The following USP33 variants were observed in gnomAD, a reference collection of about 807,000 sequenced individuals.
USP33 encodes ubiquitin specific peptidase 33, also known as ubiquitin carboxyl-terminal hydrolase 33.
Under a neutral mutation model 124.2 loss-of-function variants are expected in USP33, and 46 were observed. That is an observed-to-expected ratio of 0.37 (90% CI 0.29 to 0.47). The LOEUF is 0.47. Ranked by LOEUF, USP33 falls within the 20% of genes least tolerant of loss-of-function variation. The pLI is 0.99. For synonymous variants in USP33, 350 were observed against 352.3 expected (o/e 0.99, Z 0.07); for missense variants, 851 against 1,070.6 (o/e 0.79, Z 2.86).
chr1:77,701,567 C>A, intron 21 of USP33, 96 bp from the exon 22 acceptor site: 1 of 995,750 alleles, frequency 1.0e-6, no homozygotes, highest in Non-Finnish European at 1.5e-6. Flanking sequence ...TAACTCAGCA[C>A]TTTGGGAGGC....
intron 1 of USP33, among the ~76,000 whole-genome samples, chr1:77,749,944 T>C (rs963574922): frequency 2.6e-5 from 4 of 152,324 alleles, no homozygotes; most frequent in South Asian, 4.1e-4. Flanking sequence ...TCTCTGCTGA[T>C]AGCTGAGATG....
At chr1:77,723,235 CAA>C in intron 12 of USP33, 94 bp downstream of exon 12, 1 of 908,158 alleles carries the variant, frequency 1.1e-6, no homozygotes, top group Non-Finnish European at 1.7e-6. Flanking sequence ...TCATCAATAG[CAA>C]AGAGAAGGAA....
intron 14 of USP33, chr1:77,721,457 A>T (rs572719700): frequency 1.8e-6 from 1 of 562,178 alleles, no homozygotes; most frequent in African/African-American, 1.9e-5. Flanking sequence ...ACTGCCTGTC[A>T]TATGTCCAAG....
At chr1:77,717,490 C>CA (rs575507467) in intron 17 of USP33, 34,459 of 107,560 alleles carry the variant, frequency 0.32, 4,355 homozygotes, top group Middle Eastern at 0.46. Context: ...ACTCTGTCTC[C>CA]AAAAAAAAAA....
chr1:77,728,568 G>GA lies in USP33; in HGVS notation c.861dup (p.Gln288SerfsTer4). The GA allele has an allele frequency of 6.2e-7, 1 of 1,614,098 alleles. No homozygotes were observed. Among genetic ancestry groups the GA allele is most frequent in the Non-Finnish European group, 8.5e-7 (1 of 1,180,018 alleles). ...CTGTTGCTACAAGATTCACAAGACT[G>GA]AAAATCTACATCCGACTGGCTCTTG... On this transcript the variant is annotated frameshift_variant, in exon 10 of 24. Coordinates refer to ENST00000370794, the MANE Select transcript of USP33 (RefSeq NM_201624.3). LOFTEE classifies it high-confidence loss of function.
intron 1 of USP33, among the ~76,000 whole-genome samples, chr1:77,746,856 A>G (rs1395975860): frequency 2.6e-5 from 4 of 152,186 alleles, no homozygotes; most frequent in African/African-American, 7.2e-5. Flanking sequence ...CTCTCAATAA[A>G]CTAGGTATTG....
At chr1:77,714,011 T>C (rs567831454) in intron 19 of USP33, among the ~76,000 whole-genome samples, 190 of 152,332 alleles carry the variant, frequency 1.2e-3, no homozygotes, top group African/African-American at 4.4e-3. Context: ...ACCATGAATA[T>C]CCCATCTTCA....
intron 17 of USP33, among the ~76,000 whole-genome samples, chr1:77,716,867 T>TC (rs1377314037): frequency 6.7e-6 from 1 of 149,934 alleles, no homozygotes; most frequent in African/African-American, 2.4e-5. Context: ...TTCTTTTTTT[T>TC]CTTTTTTTTT....
chr1:77,739,160 G>T, intron 5 of USP33, 105 bp downstream of exon 5: 1 of 1,339,688 alleles, frequency 7.5e-7, no homozygotes, highest in Non-Finnish European at 1.0e-6. Flanking sequence ...AATTTTCAAA[G>T]TACAGGTTAG....
intron 20 of USP33, among the ~76,000 whole-genome samples, chr1:77,712,774 C>G (rs542805641): frequency 4.6e-5 from 7 of 152,082 alleles, no homozygotes; most frequent in African/African-American, 1.7e-4. Flanking sequence ...GAGAGGACCA[C>G]TGGAGCCTAG....
intron 1 of USP33, among the ~76,000 whole-genome samples, chr1:77,756,987 CTTCT>C (rs1254077066): frequency 6.6e-6 from 1 of 152,194 alleles, no homozygotes; most frequent in African/African-American, 2.4e-5. Context: ...CATAATTTGT[CTTCT>C]TTATCTATTA....
intron 7 of USP33, 94 bp downstream of exon 7, chr1:77,734,253 T>C (rs761414140): frequency 2.6e-5 from 24 of 927,986 alleles, no homozygotes; most frequent in Non-Finnish European, 3.6e-5. Flanking sequence ...CTGTTCTACC[T>C]TGAGTTAGTC....
At chr1:77,753,234 T>G (rs909744188) in intron 1 of USP33, among the ~76,000 whole-genome samples, 2 of 152,126 alleles carry the variant, frequency 1.3e-5, no homozygotes, top group Non-Finnish European at 2.9e-5. Context: ...CTTGAAGAAG[T>G]AGCAATTCCT....
At chr1:77,748,986 T>C (rs1247891297) in intron 1 of USP33, among the ~76,000 whole-genome samples, 1 of 152,210 alleles carries the variant, frequency 6.6e-6, no homozygotes, top group Non-Finnish European at 1.5e-5. Context: ...CAATCTTCCA[T>C]CATTTTTTCA....
At chr1:77,738,808 A>G (rs1170693698) in intron 5 of USP33, among the ~76,000 whole-genome samples, 3 of 152,144 alleles carry the variant, frequency 2.0e-5, no homozygotes, top group Non-Finnish European at 4.4e-5. Context: ...TAACCCAAAG[A>G]CTGATGCTAA....
At position 77,748,785 on chromosome 1, in the gene USP33, C is replaced by A. The variant is rs56406553; in HGVS notation, c.-51-7037G>T. 9.9e-5 allele frequency among the ~76,000 whole-genome samples: 11 copies of A among 110,970 alleles called. 1 individual carries two copies. The highest frequency in any genetic ancestry group is 1.9e-4 in the Non-Finnish European group (10 of 52,618). The allele number at this position is 110,970 out of a possible 152,430, so 72.8% of individuals were successfully genotyped here. A position where few individuals can be genotyped will look rare whatever the true frequency, so the allele number is the denominator to read the frequency against. On this transcript the variant is annotated intron_variant, in intron 1 of 23. Transcript: ENST00000370794. Reference sequence around the variant, plus strand: ...TTTGGCAGCATTCCTTCCCTCCCCCCCCCCCCCGTGCTTGAATCAGGATTG... The same window carrying A: ...TTTGGCAGCATTCCTTCCCTCCCCCACCCCCCCGTGCTTGAATCAGGATTG...
chr1:77,755,506 G>A (rs182722046), intron 1 of USP33, among the ~76,000 whole-genome samples: 72 of 152,214 alleles, frequency 4.7e-4, no homozygotes, highest in African/African-American at 1.7e-3. Context: ...GACCAGCCTG[G>A]CCAACATGGT....
chr1:77,717,309 G>A (rs1676029329), intron 17 of USP33, among the ~76,000 whole-genome samples: 1 of 151,956 alleles, frequency 6.6e-6, no homozygotes, highest in Admixed American at 6.6e-5. Flanking sequence ...CTAACACGGT[G>A]AAACCCCGTC....
intron 1 of USP33, among the ~76,000 whole-genome samples, chr1:77,751,285 A>G (rs1305312245): frequency 2.0e-5 from 3 of 152,222 alleles, no homozygotes; most frequent in Non-Finnish European, 4.4e-5. Context: ...TTTCCAGATG[A>G]AAACGACTGC....
Sources: allele counts gnomAD v4.1 joint callset (sites outside exome capture counted in the v4.1 genomes callset), GRCh38; gene constraint gnomAD v4.1.1; transcripts MANE v1.5; gene names NCBI Gene and HGNC (gene_info 2026-07-23, HGNC 2026-07-21).